The following CDKAL1 variants were observed in gnomAD, a reference collection of about 807,000 sequenced individuals.
The protein encoded by CDKAL1 is CDKAL1 threonylcarbamoyladenosine tRNA methylthiotransferase.
Under a neutral mutation model 68.2 loss-of-function variants are expected in CDKAL1, and 32 were observed. The ratio of observed to expected loss-of-function variants is 0.47; its 90% CI spans 0.35 to 0.63. CDKAL1 has a LOEUF of 0.63. Among genes scored for constraint, CDKAL1 ranks in the 30% least tolerant of loss-of-function variants. CDKAL1 has a pLI of 0.00. For missense variants in CDKAL1, 606 were observed against 696.7 expected (o/e 0.87, Z 1.47); for synonymous variants, 234 against 244.3 (o/e 0.96, Z 0.39).
intron 8 of CDKAL1, among the ~76,000 whole-genome samples, chr6:20,784,344 TA>T (rs2150380029): frequency 6.6e-6 from 1 of 151,270 alleles, no homozygotes; most frequent in African/African-American, 2.4e-5. Context: ...TACTGTATTT[TA>T]AAAATTTGGC....
intron 10 of CDKAL1, among the ~76,000 whole-genome samples, chr6:20,983,222 C>G (rs1046503900): frequency 6.6e-6 from 1 of 152,028 alleles, no homozygotes; most frequent in Non-Finnish European, 1.5e-5. Context: ...TGATCAGTAG[C>G]AAAAGACTGC....
At chr6:20,758,514 C>A in intron 6 of CDKAL1, 81 bp from the exon 7 acceptor site, 1 of 1,151,584 alleles carries the variant, frequency 8.7e-7, no homozygotes, top group Non-Finnish European at 1.3e-6. Context: ...AAATGTGTAA[C>A]ATTGACTCAA....
At chr6:20,583,791 C>CG (rs386406379) in intron 4 of CDKAL1, among the ~76,000 whole-genome samples, 4 of 150,428 alleles carry the variant, frequency 2.7e-5, no homozygotes, top group Middle Eastern at 3.5e-3. Context: ...AGCGCCCCCC[C>CG]CCACTAGTTT....
chr6:21,206,498 T>G (rs1778943991), intron 15 of CDKAL1, among the ~76,000 whole-genome samples: 1 of 152,238 alleles, frequency 6.6e-6, no homozygotes, highest in Non-Finnish European at 1.5e-5. Context: ...CTAAGATTGA[T>G]TCTTAAGAAG....
chr6:20,575,770 T>A (rs891999584), intron 4 of CDKAL1, among the ~76,000 whole-genome samples: 7 of 152,184 alleles, frequency 4.6e-5, no homozygotes, highest in Admixed American at 1.3e-4. Context: ...CCCTAGCCAT[T>A]AATTTTTCTT....
chr6:20,644,628 C>T (rs551875043), intron 4 of CDKAL1, among the ~76,000 whole-genome samples: 29 of 152,136 alleles, frequency 1.9e-4, no homozygotes, highest in African/African-American at 4.8e-4. Flanking sequence ...TGCAGTGAGC[C>T]GAGATCTCTA....
At chr6:20,556,499 A>C (rs1764048273) in intron 4 of CDKAL1, among the ~76,000 whole-genome samples, 1 of 152,200 alleles carries the variant, frequency 6.6e-6, no homozygotes, top group South Asian at 2.1e-4. Context: ...TATTTTTGGA[A>C]ATTCTAGTGG....
At chr6:20,658,634 AT>A (rs1334678435) in intron 5 of CDKAL1, among the ~76,000 whole-genome samples, 1 of 135,360 alleles carries the variant, frequency 7.4e-6, no homozygotes, top group Non-Finnish European at 1.6e-5. Flanking sequence ...CCAGAATATT[AT>A]TTCAACTTGA....
chr6:20,991,821 G>C (rs1403202926), intron 10 of CDKAL1, among the ~76,000 whole-genome samples: 3 of 148,786 alleles, frequency 2.0e-5, no homozygotes, highest in Admixed American at 6.8e-5. Context: ...TTTGAGTCTA[G>C]CCTGGGCAAC....
intron 11 of CDKAL1, among the ~76,000 whole-genome samples, chr6:21,003,676 G>A (rs565617597): frequency 1.3e-5 from 2 of 152,136 alleles, no homozygotes; most frequent in East Asian, 3.9e-4. Flanking sequence ...AAATAGATTA[G>A]TGCTCATTTT....
At chr6:20,945,566 C>T (rs1183411746) in intron 9 of CDKAL1, among the ~76,000 whole-genome samples, 1 of 152,150 alleles carries the variant, frequency 6.6e-6, no homozygotes, top group African/African-American at 2.4e-5. Context: ...TTTGTCCTAT[C>T]TTCTGAAGCC....
chr6:20,945,676 A>G (rs576460407), intron 9 of CDKAL1, among the ~76,000 whole-genome samples: 4 of 152,234 alleles, frequency 2.6e-5, no homozygotes, highest in Non-Finnish European at 5.9e-5. Context: ...TCTGGGGCAC[A>G]GTAGTAGTAT....
At chr6:20,566,144 G>C (rs568212885) in intron 4 of CDKAL1, among the ~76,000 whole-genome samples, 1 of 152,216 alleles carries the variant, frequency 6.6e-6, no homozygotes, top group South Asian at 2.1e-4. Flanking sequence ...TAGACTACGA[G>C]TATTTTCCCT....
chr6:21,200,508 C>T (rs574843351), intron 14 of CDKAL1, among the ~76,000 whole-genome samples: 175 of 152,326 alleles, frequency 1.1e-3, no homozygotes, highest in Non-Finnish European at 1.7e-3. Flanking sequence ...GACACAAACA[C>T]GCAGGCCTGT....
intron 4 of CDKAL1, among the ~76,000 whole-genome samples, chr6:20,644,228 G>T (rs775828960): frequency 4.0e-5 from 6 of 151,472 alleles, no homozygotes; most frequent in Non-Finnish European, 8.8e-5. Flanking sequence ...TCTATTCACA[G>T]CCGTATCCCC....
intron 5 of CDKAL1, among the ~76,000 whole-genome samples, chr6:20,684,500 A>G (rs567665891): frequency 3.3e-5 from 5 of 152,344 alleles, no homozygotes; most frequent in African/African-American, 1.2e-4. Flanking sequence ...TTATATGGAC[A>G]TAAGTTGTCA....
At chr6:20,917,329 C>A (rs1385191830) in intron 9 of CDKAL1, among the ~76,000 whole-genome samples, 1 of 152,032 alleles carries the variant, frequency 6.6e-6, no homozygotes, top group Admixed American at 6.6e-5. Flanking sequence ...TAGTTTTATA[C>A]ACAGTGAGAC....
intron 11 of CDKAL1, among the ~76,000 whole-genome samples, chr6:21,029,503 C>G (rs1203004627): frequency 6.6e-6 from 1 of 152,162 alleles, no homozygotes; most frequent in Non-Finnish European, 1.5e-5. Flanking sequence ...AACTAAAGAA[C>G]TTCTGCACAG....
At chr6:20,937,860 G>GT (rs34741537) in intron 9 of CDKAL1, among the ~76,000 whole-genome samples, 124 of 141,022 alleles carry the variant, frequency 8.8e-4, no homozygotes, top group East Asian at 7.9e-3. Context: ...CTGTGAGGTG[G>GT]TTTTTTTTTT....
Sources: gnomAD v4.1 joint callset for allele counts (sites outside exome capture counted in the v4.1 genomes callset) on GRCh38, gnomAD v4.1.1 for gene constraint, MANE v1.5 for transcripts, NCBI Gene and HGNC (gene_info 2026-07-23, HGNC 2026-07-21) for gene names.